Variants in MARCHF11 observed in about 807,000 individuals in gnomAD.
The protein encoded by MARCHF11 is membrane associated ring-CH-type finger 11.
In MARCHF11, 29 loss-of-function variants were observed where a neutral mutation model predicts 37.3. The observed-to-expected ratio is 0.78, with a 90% CI of 0.58 to 1.06. MARCHF11 has a LOEUF of 1.06. Ranked by LOEUF, MARCHF11 falls within the 50% of genes least tolerant of loss-of-function variation. MARCHF11 has a pLI of 0.00. For synonymous variants in MARCHF11, 233 were observed against 228.0 expected, an observed-to-expected ratio of 1.02 and a Z score of -0.20; for missense variants, 482 against 533.4, an observed-to-expected ratio of 0.90 and a Z score of 0.95.
At chr5:16,079,293 A>G (rs1560968187) in intron 3 of MARCHF11, among the ~76,000 whole-genome samples, 1 of 151,940 alleles carries the variant, frequency 6.6e-6, no homozygotes, top group Non-Finnish European at 1.5e-5. Context: ...CTTAATCTCA[A>G]TGCACCCACT....
intron 2 of MARCHF11, among the ~76,000 whole-genome samples, chr5:16,154,608 G>A (rs2126600260): frequency 6.6e-6 from 1 of 151,984 alleles, no homozygotes; most frequent in East Asian, 2.0e-4. Flanking sequence ...AAAGGGAGGG[G>A]GGGGAGGAAA....
chr5:16,103,810 T>A (rs75122562), intron 2 of MARCHF11, among the ~76,000 whole-genome samples: 1,913 of 152,200 alleles, frequency 0.013, 31 homozygotes, highest in African/African-American at 0.044. Context: ...CACCAGGCCA[T>A]GAGAATCTCA....
chr5:16,154,993 C>A (rs909366313), intron 2 of MARCHF11, among the ~76,000 whole-genome samples: 1 of 151,822 alleles, frequency 6.6e-6, no homozygotes. Flanking sequence ...TCTGACCCAA[C>A]CCCTACAGTG....
In MARCHF11 at chr5:16,109,103, TACACACACACAC is replaced by T. The variant is rs3031633; in HGVS notation, c.694-18034_694-18023del. Among the ~76,000 whole-genome samples the T allele has an allele frequency of 2.8e-4, 39 of 141,414 alleles. No individual in the cohort carries two copies. The South Asian group carries it at 3.3e-3, about 12-fold the overall frequency. 92.8% of individuals were successfully genotyped at this position (141,414 alleles called of 152,430 possible). On this transcript the variant is annotated intron_variant, in intron 2 of 3. Coordinates refer to ENST00000332432, the MANE Select transcript of MARCHF11 (RefSeq NM_001102562.3). ...CTTGGAGCATCTGTGACATAAGAAA[TACACACACACAC>T]ACACACACACACACACACACACACA...
intron 2 of MARCHF11, among the ~76,000 whole-genome samples, chr5:16,138,400 C>T (rs10051368): frequency 0.046 from 6,963 of 152,244 alleles, 433 homozygotes; most frequent in African/African-American, 0.15. Context: ...ATGAGATTTG[C>T]GAACTTCTCC....
chr5:16,174,838 T>C (rs1431602025), intron 2 of MARCHF11, among the ~76,000 whole-genome samples: 1 of 152,204 alleles, frequency 6.6e-6, no homozygotes, highest in Non-Finnish European at 1.5e-5. Context: ...ATGGCCACTC[T>C]CTTTAAAAGA....
chr5:16,090,573 T>C (rs1389368607), intron 3 of MARCHF11, among the ~76,000 whole-genome samples: 1 of 152,086 alleles, frequency 6.6e-6, no homozygotes, highest in Non-Finnish European at 1.5e-5. Context: ...TTGCTCTCAT[T>C]CCTTAGAAAT....
At chr5:16,173,845 G>C (rs1018510712) in intron 2 of MARCHF11, among the ~76,000 whole-genome samples, 1 of 152,162 alleles carries the variant, frequency 6.6e-6, no homozygotes, top group African/African-American at 2.4e-5. Context: ...ATATTTATGT[G>C]TCTAATTCTC....
At chr5:16,122,705 A>C (rs1351915377) in intron 2 of MARCHF11, among the ~76,000 whole-genome samples, 1 of 151,886 alleles carries the variant, frequency 6.6e-6, no homozygotes, top group Non-Finnish European at 1.5e-5. Flanking sequence ...CTCGCCACCC[A>C]CTCCTTCCTA....
At chr5:16,112,217 T>A (rs1379992050) in intron 2 of MARCHF11, among the ~76,000 whole-genome samples, 1 of 152,066 alleles carries the variant, frequency 6.6e-6, no homozygotes, top group East Asian at 1.9e-4. Flanking sequence ...GACCCCAGAA[T>A]GGTAAATCCA....
intron 2 of MARCHF11, among the ~76,000 whole-genome samples, chr5:16,110,638 T>C (rs1403855383): frequency 1.3e-5 from 2 of 152,162 alleles, no homozygotes; most frequent in African/African-American, 2.4e-5. Flanking sequence ...TTACCCAAGG[T>C]CAAACACCTA....
At chr5:16,152,513 G>T (rs10070121) in intron 2 of MARCHF11, among the ~76,000 whole-genome samples, 6,169 of 151,982 alleles carry the variant, frequency 0.041, 363 homozygotes, top group African/African-American at 0.13. Context: ...AAGAAGGATA[G>T]GTGTAAGAGC....
intron 2 of MARCHF11, among the ~76,000 whole-genome samples, chr5:16,160,196 A>G (rs1321765937): frequency 1.3e-5 from 2 of 149,360 alleles, no homozygotes; most frequent in African/African-American, 4.9e-5. Context: ...TCAATATATT[A>G]CAAATATTTT....
chr5:16,107,206 A>T (rs561688279), intron 2 of MARCHF11, among the ~76,000 whole-genome samples: 1 of 152,346 alleles, frequency 6.6e-6, no homozygotes, highest in South Asian at 2.1e-4. Context: ...ACTTAGGACC[A>T]GGGCTTATCT....
intron 2 of MARCHF11, among the ~76,000 whole-genome samples, chr5:16,161,642 T>C (rs1738079272): frequency 1.3e-5 from 2 of 151,958 alleles, no homozygotes; most frequent in Admixed American, 6.6e-5. Flanking sequence ...TCCCAGCATC[T>C]TACCACACTG....
intron 2 of MARCHF11, among the ~76,000 whole-genome samples, chr5:16,116,934 C>T (rs1283379149): frequency 3.9e-5 from 6 of 152,140 alleles, no homozygotes; most frequent in African/African-American, 7.2e-5. Flanking sequence ...GAAGAGTAAA[C>T]GCTGCCCAGA....
rs557303397 is a variant in MARCHF11 at position 16,179,160 on chromosome 5, G to A, written c.416C>T (p.Pro139Leu). The A allele has an allele frequency of 2.4e-4, 344 of 1,436,932 alleles. 8 individuals carry two copies. The South Asian group carries it at 4.6e-3, about 19-fold the overall frequency. The allele number at this position is 1,436,932 out of a possible 1,614,324, so 89.0% of individuals were successfully genotyped here. Reference protein sequence around the residue: ...ERERRGAGDQPETRSVCSSRS... With the variant: ...ERERRGAGDQLETRSVCSSRS... ...GCTGCTGCACACCGAGCGCGTCTCG[G>A]GCTGGTCTCCGGCGCCCCGCCGCTC... Residue 139 changes from proline to leucine, a missense_variant, in exon 1 of 4, where the codon CCC becomes CTC. By Grantham distance (98) the Pro-to-Leu change is moderately conservative. Coordinates refer to ENST00000332432, the MANE Select transcript of MARCHF11 (RefSeq NM_001102562.3).
At chr5:16,118,160 G>T (rs998401392) in intron 2 of MARCHF11, among the ~76,000 whole-genome samples, 1 of 152,202 alleles carries the variant, frequency 6.6e-6, no homozygotes, top group Non-Finnish European at 1.5e-5. Context: ...CCATAGATGG[G>T]ACGCGCGGGG....
intron 2 of MARCHF11, among the ~76,000 whole-genome samples, chr5:16,147,562 T>G (rs1737819555): frequency 1.3e-5 from 2 of 152,134 alleles, no homozygotes. Flanking sequence ...GGGCACTATC[T>G]CTGGGAGCTT....
Sources: allele counts gnomAD v4.1 joint callset (sites outside exome capture counted in the v4.1 genomes callset), GRCh38; gene constraint gnomAD v4.1.1; transcripts MANE v1.5; gene names NCBI Gene and HGNC (gene_info 2026-07-23, HGNC 2026-07-21).